Variants in RORA observed in about 807,000 individuals in gnomAD.
RORA encodes RAR related orphan receptor A, also known as nuclear receptor ROR-alpha.
Under a neutral mutation model 69.5 loss-of-function variants are expected in RORA, and 7 were observed. That is an observed-to-expected ratio of 0.10 (90% confidence interval 0.06 to 0.19). RORA has a LOEUF of 0.19. RORA is among the 10% of genes least tolerant of loss of function. The probability of loss-of-function intolerance (pLI) is 1.00; values close to 1 mark genes in which losing one functional copy is unlikely to be tolerated. For synonymous variants in RORA, 261 were observed against 240.8 expected, an observed-to-expected ratio of 1.08 and a Z score of -0.78; for missense variants, 457 against 663.0, an observed-to-expected ratio of 0.69 and a Z score of 3.41.
In RORA at chr15:60,503,673, A is replaced by T; in HGVS notation, c.943-6T>A. On this transcript the variant is annotated splice_polypyrimidine_tract_variant and splice_region_variant and intron_variant, in intron 6 of 10. Coordinates refer to ENST00000335670, the MANE Select transcript of RORA (RefSeq NM_134261.3). ...TGCCACATCACCTCCCGCTGCTGTT[A>T]AAGAGGGAAACACATTAACATCCTC... is the stretch of plus-strand genomic sequence containing the variant. 1.2e-6 allele frequency: 2 copies of T among 1,613,508 alleles called. No homozygotes were observed. The highest frequency in any genetic ancestry group is 2.2e-5 in the East Asian group (1 of 44,878).
At chr15:60,819,368 A>G (rs898108681) in intron 1 of RORA, among the ~76,000 whole-genome samples, 6 of 152,242 alleles carry the variant, frequency 3.9e-5, no homozygotes, top group Non-Finnish European at 7.3e-5. Flanking sequence ...CAAGGCTTCG[A>G]AACACCATGT....
At chr15:60,878,826 A>G (rs1186473729) in intron 1 of RORA, among the ~76,000 whole-genome samples, 1 of 152,202 alleles carries the variant, frequency 6.6e-6, no homozygotes, top group Non-Finnish European at 1.5e-5. Flanking sequence ...AAAAATTCCC[A>G]TTAGGTAGGC....
chr15:61,055,016 T>C (rs1042020868), intron 1 of RORA, among the ~76,000 whole-genome samples: 1 of 152,060 alleles, frequency 6.6e-6, no homozygotes, highest in African/African-American at 2.4e-5. Context: ...TTTGTATTTT[T>C]AGTAGAGACA....
chr15:60,505,673 T>G, intron 5 of RORA, 44 bp from the exon 6 acceptor site: 1 of 1,602,110 alleles, frequency 6.2e-7, no homozygotes, highest in Non-Finnish European at 8.5e-7. Context: ...AGCGAAGTTC[T>G]TTGAATAATT....
intron 1 of RORA, among the ~76,000 whole-genome samples, chr15:61,050,862 T>A (rs1897258451): frequency 6.6e-6 from 1 of 152,172 alleles, no homozygotes; most frequent in Non-Finnish European, 1.5e-5. Context: ...AAGTCTTAGG[T>A]TGACTAACTT....
intron 1 of RORA, among the ~76,000 whole-genome samples, chr15:61,092,160 A>G (rs2078717296): frequency 6.6e-6 from 1 of 152,254 alleles, no homozygotes; most frequent in African/African-American, 2.4e-5. Flanking sequence ...CCATGGTTAC[A>G]ATAAAATGTA....
chr15:61,165,891 G>GGTT (rs557790735), intron 1 of RORA, among the ~76,000 whole-genome samples: 163 of 152,254 alleles, frequency 1.1e-3, no homozygotes, highest in African/African-American at 3.7e-3. Context: ...TACTATCTGT[G>GGTT]GTTTATAGAT....
intron 1 of RORA, among the ~76,000 whole-genome samples, chr15:60,818,593 G>A (rs187822753): frequency 2.0e-5 from 3 of 152,252 alleles, no homozygotes; most frequent in Non-Finnish European, 2.9e-5. Context: ...GCCTTCAAAG[G>A]TCCCTTCTCT....
chr15:61,218,175 T>TGTGTGTG (rs2080058492), intron 1 of RORA, among the ~76,000 whole-genome samples: 1 of 148,294 alleles, frequency 6.7e-6, no homozygotes, highest in Non-Finnish European at 1.5e-5. Context: ...CATGAAATGT[T>TGTGTGTG]TGTGTGTGTG....
chr15:60,646,513 A>G (rs1003635411), intron 2 of RORA, among the ~76,000 whole-genome samples: 1 of 152,206 alleles, frequency 6.6e-6, no homozygotes, highest in Non-Finnish European at 1.5e-5. Context: ...TGCTGAATAA[A>G]ACCCGGGTAT....
At chr15:60,591,807 C>G (rs2068523389) in intron 2 of RORA, among the ~76,000 whole-genome samples, 1 of 151,996 alleles carries the variant, frequency 6.6e-6, no homozygotes, top group African/African-American at 2.4e-5. Flanking sequence ...GGACACAGCG[C>G]GGGACACAGC....
intron 1 of RORA, among the ~76,000 whole-genome samples, chr15:60,793,883 G>A (rs1244052439): frequency 1.3e-5 from 2 of 152,178 alleles, no homozygotes; most frequent in African/African-American, 4.8e-5. Context: ...AGCCGTGCAG[G>A]CTTTCTCTCC....
intron 1 of RORA, among the ~76,000 whole-genome samples, chr15:60,751,493 T>C (rs767574517): frequency 2.0e-4 from 30 of 152,218 alleles, no homozygotes; most frequent in Non-Finnish European, 4.0e-4. Flanking sequence ...TGCATGTTTA[T>C]TTAACCCTCA....
intron 1 of RORA, among the ~76,000 whole-genome samples, chr15:60,898,975 G>T (rs1015421610): frequency 1.3e-5 from 2 of 152,152 alleles, no homozygotes; most frequent in Non-Finnish European, 2.9e-5. Context: ...TGAGCTTCCA[G>T]AAAGCACCCA....
At chr15:61,082,231 G>A (rs1027850933) in intron 1 of RORA, among the ~76,000 whole-genome samples, 3 of 152,170 alleles carry the variant, frequency 2.0e-5, no homozygotes, top group Non-Finnish European at 4.4e-5. Flanking sequence ...GCTCACACCT[G>A]TAATCCCAGC....
At chr15:61,133,118 A>C (rs1268681149) in intron 1 of RORA, among the ~76,000 whole-genome samples, 1 of 152,178 alleles carries the variant, frequency 6.6e-6, no homozygotes, top group Non-Finnish European at 1.5e-5. Context: ...GTATAAAGGG[A>C]AACATTTTGT....
intron 1 of RORA, among the ~76,000 whole-genome samples, chr15:60,804,148 C>A (rs529731409): frequency 6.6e-6 from 1 of 151,732 alleles, no homozygotes; most frequent in African/African-American, 2.4e-5. Flanking sequence ...ATTAGCCAGG[C>A]GTGGTGGTGG....
chr15:60,822,763 C>A (rs932792136), intron 1 of RORA, among the ~76,000 whole-genome samples: 2 of 152,160 alleles, frequency 1.3e-5, no homozygotes, highest in African/African-American at 4.8e-5. Flanking sequence ...CAGGCCCGGA[C>A]AAATGCTAAC....
chr15:60,545,090 A>G (rs1351534760), intron 2 of RORA: 2 of 152,234 alleles, frequency 1.3e-5, no homozygotes, highest in Non-Finnish European at 2.9e-5. Context: ...ACTTGCCCTG[A>G]TTTTGCCTTC....
Sources: gnomAD v4.1 joint callset for allele counts (sites outside exome capture counted in the v4.1 genomes callset) on GRCh38, gnomAD v4.1.1 for gene constraint, MANE v1.5 for transcripts, NCBI Gene and HGNC (gene_info 2026-07-23, HGNC 2026-07-21) for gene names.